The following BMPR2 variants were observed in gnomAD, a reference collection of about 807,000 sequenced individuals.
The protein encoded by BMPR2 is bone morphogenetic protein receptor type-2.
A neutral mutation model predicts 100.8 loss-of-function variants in BMPR2; 29 were observed. That is an observed-to-expected ratio of 0.29 (90% CI 0.21 to 0.39). The LOEUF is 0.39. BMPR2 is among the 10% of genes least tolerant of loss of function. The pLI, the probability that BMPR2 is intolerant of heterozygous loss-of-function variation, is 1.00. For synonymous variants in BMPR2, 382 were observed against 442.3 expected (o/e 0.86, Z 1.71); for missense variants, 1,011 against 1,274.5 (o/e 0.79, Z 3.15).
At chr2:202,460,558 T>A (rs181177992) in intron 1 of BMPR2, among the ~76,000 whole-genome samples, 1 of 151,974 alleles carries the variant, frequency 6.6e-6, no homozygotes, top group African/African-American at 2.4e-5. Flanking sequence ...CTAAAGGAAG[T>A]AAAGAACAGA....
In BMPR2 at chr2:202,562,056, C is replaced by A. The variant is rs1003904247; in HGVS notation, c.*2110C>A. 13 of 152,126 alleles carry A rather than the reference C, an allele frequency of 8.5e-5. No individual in the cohort carries two copies. The highest frequency in any genetic ancestry group is 3.1e-4 in the African/African-American group (13 of 41,524). The allele number at this position is 152,126 out of a possible 1,614,324, so 9.4% of individuals were successfully genotyped here. On this transcript the variant is annotated 3_prime_UTR_variant, in exon 13 of 13. Transcript: ENST00000374580. ...TTTCCTAGTACATTTTCACTTAGTT[C>A]TCTTGCCCTTAAATATCTTTCACAT...
chr2:202,404,453 C>G lies in BMPR2; in HGVS notation c.76+26903C>G, dbSNP rs191271452. Reference sequence around the variant, plus strand: ...TCAGGTGATTCGCCCGCCTTGGCCTCCCAAAATGCTGGGATTACAGGCGTG... The same window carrying G: ...TCAGGTGATTCGCCCGCCTTGGCCTGCCAAAATGCTGGGATTACAGGCGTG... On this transcript the variant is annotated intron_variant, in intron 1 of 12. Coordinates refer to ENST00000374580, the MANE Select transcript of BMPR2 (RefSeq NM_001204.7). Among the ~76,000 whole-genome samples the G allele has an allele frequency of 2.9e-3, 441 of 152,240 alleles. 2 individuals carry two copies. The highest frequency in any genetic ancestry group is 0.01 in the African/African-American group (427 of 41,546).
intron 1 of BMPR2, among the ~76,000 whole-genome samples, chr2:202,430,649 T>C (rs889670577): frequency 6.6e-6 from 1 of 152,160 alleles, no homozygotes; most frequent in Non-Finnish European, 1.5e-5. Flanking sequence ...TATACTTTCA[T>C]TCAAAGCATT....
intron 9 of BMPR2, among the ~76,000 whole-genome samples, chr2:202,533,984 C>A (rs991570203): frequency 5.9e-5 from 9 of 152,026 alleles, no homozygotes; most frequent in Admixed American, 4.6e-4. Flanking sequence ...AGGTGCTATA[C>A]AGATGATTTG....
At chr2:202,452,106 T>G (rs1257978445) in intron 1 of BMPR2, among the ~76,000 whole-genome samples, 2 of 152,098 alleles carry the variant, frequency 1.3e-5, no homozygotes, top group African/African-American at 4.8e-5. Flanking sequence ...CCCACCATAC[T>G]CAACATACAG....
intron 3 of BMPR2, among the ~76,000 whole-genome samples, chr2:202,483,939 GA>G (rs1458095024): frequency 6.6e-6 from 1 of 152,084 alleles, no homozygotes; most frequent in Non-Finnish European, 1.5e-5. Flanking sequence ...AAAATAAAAA[GA>G]AAAGTTAGCT....
chr2:202,493,318 A>G (rs570533181), intron 3 of BMPR2, among the ~76,000 whole-genome samples: 5 of 152,232 alleles, frequency 3.3e-5, no homozygotes, highest in Middle Eastern at 3.4e-3. Flanking sequence ...TTAAAGTTGT[A>G]TAGAGTAACA....
intron 3 of BMPR2, among the ~76,000 whole-genome samples, chr2:202,471,663 C>A (rs938020062): frequency 2.0e-5 from 3 of 152,016 alleles, no homozygotes; most frequent in African/African-American, 7.3e-5. Flanking sequence ...ATAAAACAGA[C>A]TGTGGGAAAG....
intron 5 of BMPR2, 141 bp downstream of exon 5, chr2:202,515,120 T>G: frequency 2.5e-6 from 2 of 791,222 alleles, no homozygotes; most frequent in Non-Finnish European, 2.2e-6. Context: ...AGGCCTATTC[T>G]AGGCACTAGG....
At chr2:202,381,321 T>C (rs1690288571) in intron 1 of BMPR2, among the ~76,000 whole-genome samples, 1 of 152,180 alleles carries the variant, frequency 6.6e-6, no homozygotes, top group Non-Finnish European at 1.5e-5. Flanking sequence ...GTGTAATTAT[T>C]GGCAACCACA....
In BMPR2 at chr2:202,547,604, G is replaced by A. The variant is rs183109822; in HGVS notation, c.1414-5112G>A. Among the ~76,000 whole-genome samples the A allele has an allele frequency of 1.6e-3, 238 of 151,768 alleles. 1 individual carries two copies. The highest frequency in any genetic ancestry group is 5.2e-3 in the African/African-American group (216 of 41,360). On this transcript the variant is annotated intron_variant, in intron 10 of 12. Transcript: ENST00000374580. ...TCGAGACCAGCCTGGCCAACATGGT[G>A]AAACCCCATCTCTACTAAAAATACA...
intron 1 of BMPR2, among the ~76,000 whole-genome samples, chr2:202,445,828 G>A (rs1224939795): frequency 7.0e-6 from 1 of 141,972 alleles, no homozygotes. Flanking sequence ...AGGCTGGAGT[G>A]CAGTGGCACA....
Position 202,518,946 on chromosome 2 carries a change from T to C in BMPR2, c.746T>C (p.Val249Ala). ...ATCAACGAAAAGAACATTTACAGAGTGCCTTTGATGGAACATGACAACATT... is the reference window on the plus strand; with the variant it reads ...ATCAACGAAAAGAACATTTACAGAGCGCCTTTGATGGAACATGACAACATT... Reference protein sequence around the residue: ...NFINEKNIYRVPLMEHDNIAR... With the variant: ...NFINEKNIYRAPLMEHDNIAR... Residue 249 changes from valine to alanine, a missense_variant, in exon 6 of 13, where the codon GTG becomes GCG. Physicochemically the swap from Val to Ala is moderately conservative, Grantham distance 64 (BLOSUM62 0). Transcript: ENST00000374580. 6.2e-7 allele frequency: 1 copy of C among 1,614,140 alleles called. No homozygotes were observed. Among genetic ancestry groups the C allele is most frequent in the Non-Finnish European group, 8.5e-7 (1 of 1,180,030 alleles).
At chr2:202,393,816 T>A (rs1255729892) in intron 1 of BMPR2, among the ~76,000 whole-genome samples, 1 of 151,658 alleles carries the variant, frequency 6.6e-6, no homozygotes, top group Non-Finnish European at 1.5e-5. Flanking sequence ...CCATTTTACT[T>A]ATTTAGGTCA....
At chr2:202,464,367 C>T (rs1482007767) in intron 1 of BMPR2, among the ~76,000 whole-genome samples, 3 of 151,936 alleles carry the variant, frequency 2.0e-5, no homozygotes, top group African/African-American at 4.8e-5. Context: ...ATTAGTTTAC[C>T]ATACCTAATT....
intron 1 of BMPR2, among the ~76,000 whole-genome samples, chr2:202,432,940 C>T (rs1386506890): frequency 6.7e-6 from 1 of 150,274 alleles, no homozygotes; most frequent in African/African-American, 2.5e-5. Flanking sequence ...GAGGTTTGAC[C>T]TGGCCTTATT....
intron 9 of BMPR2, among the ~76,000 whole-genome samples, chr2:202,539,455 A>G (rs957823266): frequency 1.8e-4 from 27 of 152,130 alleles, no homozygotes; most frequent in Non-Finnish European, 5.9e-5. Flanking sequence ...TGGAAGTAGA[A>G]AAGAAAAAAG....
intron 1 of BMPR2, among the ~76,000 whole-genome samples, chr2:202,448,537 G>GCCT (rs1691903566): frequency 1.3e-5 from 2 of 151,052 alleles, no homozygotes; most frequent in South Asian, 2.1e-4. Flanking sequence ...GCTCACTGCA[G>GCCT]CCTCCTCCTC....
chr2:202,551,713 C>A (rs1008282389), intron 10 of BMPR2, among the ~76,000 whole-genome samples: 2 of 151,840 alleles, frequency 1.3e-5, no homozygotes, highest in African/African-American at 4.8e-5. Context: ...TTTTTTTATT[C>A]TTTTGAGGCG....
Sources: gnomAD v4.1 joint callset for allele counts (sites outside exome capture counted in the v4.1 genomes callset) on GRCh38, gnomAD v4.1.1 for gene constraint, MANE v1.5 for transcripts, NCBI Gene and HGNC (gene_info 2026-07-23, HGNC 2026-07-21) for gene names.